Variants in SI observed in about 807,000 individuals in gnomAD.
SI encodes the protein sucrase-isomaltase.
Under a neutral mutation model 253.3 loss-of-function variants are expected in SI, and 235 were observed. That is an observed-to-expected ratio of 0.93 (90% CI 0.83 to 1.03). SI has a LOEUF of 1.03. SI is among the 50% of genes least tolerant of loss of function. SI has a pLI of 0.00. For missense variants in SI, 2,442 were observed against 2,211.1 expected, an observed-to-expected ratio of 1.10 and a Z score of -2.09; for synonymous variants, 819 against 712.0, an observed-to-expected ratio of 1.15 and a Z score of -2.39.
At chr3:165,021,449 T>A in intron 26 of SI, 66 bp from the exon 27 acceptor site, 1 of 1,188,104 alleles carries the variant, frequency 8.4e-7, no homozygotes, top group Non-Finnish European at 1.2e-6. Flanking sequence ...TATCATGAAC[T>A]AAGTTAAATA....
At chr3:165,024,798 C>A (rs1711816577) in intron 25 of SI, among the ~76,000 whole-genome samples, 1 of 151,108 alleles carries the variant, frequency 6.6e-6, no homozygotes, top group African/African-American at 2.4e-5. Flanking sequence ...TTTCTGCTTT[C>A]TTTACAGCAA....
chr3:165,000,432 A>C lies in SI; in HGVS notation c.4407-1759T>G, dbSNP rs1418430317. ...ATATTTCAGAATAGCTAAAAGAAAG[A>C]ATTTTAAATGTTCTCACTACAAATA... is the stretch of plus-strand genomic sequence containing the variant. On this transcript the variant is annotated intron_variant, in intron 37 of 47. Coordinates refer to ENST00000264382, the MANE Select transcript of SI (RefSeq NM_001041.4). 2.0e-5 allele frequency among the ~76,000 whole-genome samples: 3 copies of C among 151,604 alleles called. No individual in the cohort carries two copies. The East Asian group carries it at 5.8e-4, about 29-fold the overall frequency.
In SI at chr3:165,030,712, C is replaced by T. The variant is rs145486890; in HGVS notation, c.2892G>A (p.Thr964=). 7.2e-4 allele frequency: 1,164 copies of T among 1,607,308 alleles called. 4 individuals carry two copies. The highest frequency in any genetic ancestry group is 4.2e-3 in the South Asian group (379 of 90,782). The change falls in exon 25 of 48, where the codon ACG becomes ACA. Residue 964 remains threonine, a splice_region_variant and synonymous_variant. Coordinates refer to ENST00000264382, the MANE Select transcript of SI (RefSeq NM_001041.4). The part of the protein sequence containing the change: ...KCTQRGCVWR[T]GSSLSKAPEC... ...GAGTAATAGTTAAAATTATTATTAC[C>T]GTTCTCCATACACAGCCACGTTGTG... is the stretch of plus-strand genomic sequence containing the variant.
At chr3:164,998,808 T>C (rs1576876236) in intron 37 of SI, 135 bp from the exon 38 acceptor site, 1 of 750,340 alleles carries the variant, frequency 1.3e-6, no homozygotes, top group East Asian at 2.7e-5. Flanking sequence ...TGGCTCTTGA[T>C]AAGTTTGTCT....
At chr3:165,036,601 T>C (rs777171651) in intron 21 of SI, 124 bp from the exon 22 acceptor site, 26 of 621,174 alleles carry the variant, frequency 4.2e-5, no homozygotes, top group Non-Finnish European at 6.9e-5. Flanking sequence ...GACATTGACA[T>C]CAATAAATTT....
At chr3:165,007,805 T>A (rs1372150058) in intron 36 of SI, 106 bp downstream of exon 36, 3 of 362,272 alleles carry the variant, frequency 8.3e-6, no homozygotes, top group African/African-American at 6.6e-5. Context: ...ATATTCTATA[T>A]ATATATTCTA....
intron 4 of SI, 100 bp from the exon 5 acceptor site, chr3:165,068,931 T>C (rs1714399934): frequency 3.0e-6 from 3 of 993,964 alleles, no homozygotes; most frequent in Non-Finnish European, 4.7e-6. Context: ...ATGAGTACTT[T>C]TTAAATTTGT....
In SI at chr3:165,019,936, G is replaced by C. The variant is rs541138962; in HGVS notation, c.3255-166C>G. ...GAAATAGATGATTAATCTAATACAT[G>C]TTTTCTTTTAGCTAAGTTAAGGAAT... On this transcript the variant is annotated intron_variant, in intron 27 of 47. Coordinates refer to ENST00000264382, the MANE Select transcript of SI (RefSeq NM_001041.4). Among the ~76,000 whole-genome samples, 22 of 151,722 alleles carry C rather than the reference G, an allele frequency of 1.5e-4. No individual in the cohort carries two copies. The South Asian group carries it at 4.2e-3, about 29-fold the overall frequency.
chr3:165,050,014 C>T (rs1416034733), intron 13 of SI, 139 bp from the exon 14 acceptor site: 2 of 639,544 alleles, frequency 3.1e-6, no homozygotes, highest in East Asian at 2.8e-5. Flanking sequence ...ATATAAGCTA[C>T]CAACCTAAAA....
chr3:165,042,976 T>C (rs1712920479), intron 17 of SI, 83 bp downstream of exon 17: 1 of 850,592 alleles, frequency 1.2e-6, no homozygotes, highest in Non-Finnish European at 2.0e-6. Context: ...TCAGACCATA[T>C]ACTCTATAGA....
At chr3:165,028,620 C>T (rs1559996521) in intron 25 of SI, among the ~76,000 whole-genome samples, 2 of 150,930 alleles carry the variant, frequency 1.3e-5, no homozygotes, top group African/African-American at 2.4e-5. Flanking sequence ...AATAGAGAAC[C>T]CAGAATTAAA....
chr3:164,996,897 G>T (rs1385366933), intron 38 of SI, 125 bp from the exon 39 acceptor site: 3 of 516,952 alleles, frequency 5.8e-6, no homozygotes, highest in Admixed American at 7.7e-5. Flanking sequence ...ACATTTTTCA[G>T]ATTATTAATA....
chr3:165,002,782 T>G (rs1193495432), intron 37 of SI, among the ~76,000 whole-genome samples: 2 of 151,718 alleles, frequency 1.3e-5, no homozygotes, highest in African/African-American at 2.4e-5. Flanking sequence ...ATTAAAATAT[T>G]AAGAAAGTAT....
At chr3:165,067,896 TA>T (rs1054434530) in intron 5 of SI, among the ~76,000 whole-genome samples, 8 of 151,666 alleles carry the variant, frequency 5.3e-5, no homozygotes, top group African/African-American at 1.9e-4. Context: ...AAATTTTGTT[TA>T]AAAAAATTAT....
chr3:165,009,499 T>C (rs1718672059), intron 34 of SI, 104 bp from the exon 35 acceptor site: 24 of 730,106 alleles, frequency 3.3e-5, no homozygotes, highest in Non-Finnish European at 2.5e-6. Flanking sequence ...GTATGACTGA[T>C]AATGAAGGAA....
chr3:164,991,907 A>G (rs1341445967), intron 43 of SI, among the ~76,000 whole-genome samples: 2 of 152,110 alleles, frequency 1.3e-5, no homozygotes, highest in African/African-American at 4.8e-5. Context: ...TATATATCCA[A>G]TAAAAGACAA....
chr3:165,053,025 A>C (rs2108238543), intron 13 of SI, among the ~76,000 whole-genome samples: 1 of 152,012 alleles, frequency 6.6e-6, no homozygotes, highest in African/African-American at 2.4e-5. Flanking sequence ...AATGATATCA[A>C]AATATGCATA....
Position 165,069,173 on chromosome 3 carries a change from C to CA in SI, c.277dup (p.Cys93LeufsTer8). 13 of 1,612,590 alleles carry CA rather than the reference C, an allele frequency of 8.1e-6. No individual in the cohort carries two copies. Among genetic ancestry groups the CA allele is most frequent in the Non-Finnish European group, 1.1e-5 (13 of 1,178,790 alleles). ...AGAGTCATTCCACGGCCTCCAGCAG[C>CA]AGCCTCTCTGTGCACAAATTCCCTG... On this transcript the variant is annotated frameshift_variant, in exon 4 of 48. Coordinates refer to ENST00000264382, the MANE Select transcript of SI (RefSeq NM_001041.4). LOFTEE classifies it high-confidence loss of function.
At chr3:165,086,472 AATTGT>A in the SI span, among the ~76,000 whole-genome samples, 1 of 152,112 alleles carries the variant, frequency 6.6e-6, no homozygotes, top group African/African-American at 2.4e-5. Context: ...ACAAATACAG[AATTGT>A]TAGGACTTTC....
Sources: gnomAD v4.1 joint callset for allele counts (sites outside exome capture counted in the v4.1 genomes callset) on GRCh38, gnomAD v4.1.1 for gene constraint, MANE v1.5 for transcripts, NCBI Gene and HGNC (gene_info 2026-07-23, HGNC 2026-07-21) for gene names.